Variants in FGF13 observed in about 807,000 individuals in gnomAD.
FGF13 encodes fibroblast growth factor homologous factor 2.
FGF13 carries 2 observed loss-of-function variants against 19.5 expected under a neutral mutation model. The observed-to-expected ratio is 0.10, with a 90% CI of 0.04 to 0.32. FGF13 has a LOEUF of 0.32. Ranked by LOEUF, FGF13 falls within the 10% of genes least tolerant of loss-of-function variation. The pLI is 1.00. For missense variants in FGF13, 113 were observed against 192.7 expected (o/e 0.59, Z 2.45); for synonymous variants, 72 against 76.9 (o/e 0.94, Z 0.33).
At chrX:139,075,507 A>C (rs758178537) in intron 1 of FGF13, among the ~76,000 whole-genome samples, 2 of 112,173 alleles carry the variant, frequency 1.8e-5, no homozygotes, top group South Asian at 7.5e-4. Flanking sequence ...CAAAATCCTT[A>C]TAAGCCTATT....
At chrX:138,854,039 A>G (rs1313771444), downstream of FGF13, among the ~76,000 whole-genome samples, 2 of 111,828 alleles carry the variant, frequency 1.8e-5, no homozygotes, top group Non-Finnish European at 3.8e-5. Flanking sequence ...GAATAAAGCT[A>G]TGAAGCTTAT....
chrX:138,856,240 TAGAA>T (rs2091257123), downstream of FGF13, among the ~76,000 whole-genome samples: 1 of 111,302 alleles, frequency 9.0e-6, no homozygotes, highest in Admixed American at 9.6e-5. Context: ...AAAGTATGGG[TAGAA>T]TATAAATATG....
upstream of FGF13, among the ~76,000 whole-genome samples, chrX:138,740,090 C>T (rs2090309107): frequency 9.0e-6 from 1 of 111,606 alleles, no homozygotes; most frequent in South Asian, 3.7e-4. Flanking sequence ...AATTGCCATG[C>T]TTTTTATTTT....
chrX:138,979,842 C>T (rs1180604014), intron 1 of FGF13, among the ~76,000 whole-genome samples: 1 of 111,576 alleles, frequency 9.0e-6, no homozygotes, highest in Admixed American at 9.5e-5. Context: ...TAGCGAGATG[C>T]TTGTCACAGG....
At chrX:138,854,607 A>C (rs2091245837), downstream of FGF13, among the ~76,000 whole-genome samples, 2 of 112,435 alleles carry the variant, frequency 1.8e-5, no homozygotes, top group Admixed American at 1.9e-4. Flanking sequence ...AATTTTTATC[A>C]ATTTAGTAAT....
chrX:138,685,926 T>C (rs1427826803), intron 3 of FGF13, among the ~76,000 whole-genome samples: 5 of 109,510 alleles, frequency 4.6e-5, no homozygotes, highest in Non-Finnish European at 7.6e-5. Context: ...AACAGCACTT[T>C]TCTCAATATA....
intron 2 of FGF13, among the ~76,000 whole-genome samples, chrX:138,857,837 G>A (rs2091267489): frequency 8.9e-6 from 1 of 111,765 alleles, no homozygotes; most frequent in African/African-American, 3.2e-5. Flanking sequence ...TTATTTTAAT[G>A]GGCTTAGTTT....
At chrX:138,784,528 C>G (rs182785014) in intron 3 of FGF13, among the ~76,000 whole-genome samples, 2 of 110,099 alleles carry the variant, frequency 1.8e-5, no homozygotes, top group Admixed American at 1.9e-4. Context: ...GACTAGTTAC[C>G]TGCTCTTTCC....
chrX:139,084,489 C>T (rs1406929698), intron 1 of FGF13, among the ~76,000 whole-genome samples: 1 of 111,590 alleles, frequency 9.0e-6, no homozygotes. Context: ...CTCTTTAAGT[C>T]CATAATCTTT....
At chrX:139,128,196 A>C (rs2083731211) in intron 1 of FGF13, among the ~76,000 whole-genome samples, 1 of 110,513 alleles carries the variant, frequency 9.0e-6, no homozygotes, top group African/African-American at 3.3e-5. Context: ...TCTTCCTTAG[A>C]GTGAGATCCC....
At chrX:139,012,294 A>G (rs1447231936) in intron 1 of FGF13, among the ~76,000 whole-genome samples, 2 of 111,525 alleles carry the variant, frequency 1.8e-5, no homozygotes, top group African/African-American at 6.5e-5. Flanking sequence ...AATTTAATGC[A>G]ATTCCCATTA....
At chrX:139,064,476 G>C (rs1294971478) in intron 1 of FGF13, among the ~76,000 whole-genome samples, 1 of 79,370 alleles carries the variant, frequency 1.3e-5, no homozygotes, top group Non-Finnish European at 2.4e-5. Context: ...CTAATTTTTT[G>C]TATTTTTAGT....
chrX:139,080,146 A>G (rs2083360719), intron 1 of FGF13, among the ~76,000 whole-genome samples: 1 of 111,471 alleles, frequency 9.0e-6, no homozygotes, highest in Admixed American at 9.6e-5. Context: ...TCTTAATATT[A>G]AATATTCTAC....
intron 1 of FGF13, among the ~76,000 whole-genome samples, chrX:139,018,405 T>C (rs954232486): frequency 1.8e-5 from 2 of 111,236 alleles, no homozygotes; most frequent in Non-Finnish European, 3.8e-5. Context: ...TTTGAAAAAA[T>C]TGAGGCCCGA....
intron 3 of FGF13, among the ~76,000 whole-genome samples, chrX:138,753,699 T>G (rs1037189159): frequency 1.8e-5 from 2 of 112,030 alleles, no homozygotes; most frequent in Non-Finnish European, 3.8e-5. Context: ...CAAGAGGAAC[T>G]CTCAGTGGTA....
At chrX:138,892,032 G>GTGTGTGTA (rs1569419135) in intron 1 of FGF13, among the ~76,000 whole-genome samples, 29 of 108,349 alleles carry the variant, frequency 2.7e-4, no homozygotes, top group Admixed American at 1.1e-3. Context: ...GTGTGTGTGT[G>GTGTGTGTA]TATTATCTCC....
intron 1 of FGF13, among the ~76,000 whole-genome samples, chrX:138,923,049 C>T (rs918960411): frequency 1.3e-4 from 15 of 112,271 alleles, no homozygotes; most frequent in African/African-American, 4.5e-4. Context: ...AGAATAAACA[C>T]GATTTCAAGG....
chrX:138,959,705 C>T (rs752464824), intron 1 of FGF13, among the ~76,000 whole-genome samples: 35 of 111,728 alleles, frequency 3.1e-4, no homozygotes, highest in African/African-American at 1.1e-3. Context: ...CTGGGTGCTC[C>T]TATATTGGGT....
chrX:138,862,023 TAAAG>T (rs1287299121), intron 2 of FGF13, among the ~76,000 whole-genome samples: 1 of 111,749 alleles, frequency 8.9e-6, no homozygotes, highest in African/African-American at 3.3e-5. Flanking sequence ...AATAAATAAA[TAAAG>T]TAAGACAACT....
Sources: allele counts gnomAD v4.1 joint callset (sites outside exome capture counted in the v4.1 genomes callset), GRCh38; gene constraint gnomAD v4.1.1; transcripts MANE v1.5; gene names NCBI Gene and HGNC (gene_info 2026-07-23, HGNC 2026-07-21).